Variants in SNTG2 observed in about 807,000 individuals in gnomAD.
The protein encoded by SNTG2 is syntrophin gamma 2, also known as gamma-2-syntrophin.
Under a neutral mutation model 70.9 loss-of-function variants are expected in SNTG2, and 74 were observed. That is an observed-to-expected ratio of 1.04 (90% CI 0.86 to 1.27). SNTG2 has a LOEUF of 1.27. Among genes scored for constraint, SNTG2 ranks in the 50% most tolerant of loss-of-function variants. The probability of loss-of-function intolerance (pLI) is 0.00; values close to 1 mark genes in which losing one functional copy is unlikely to be tolerated. For synonymous variants in SNTG2, 278 were observed against 273.8 expected (o/e 1.02, Z -0.15); for missense variants, 717 against 690.7 (o/e 1.04, Z -0.43).
intron 1 of SNTG2, among the ~76,000 whole-genome samples, chr2:956,034 C>T (rs1482447181): frequency 3.3e-5 from 3 of 91,758 alleles, no homozygotes. Context: ...TGTGCTGGCC[C>T]CTGCCCCTGC....
At chr2:997,944 T>C (rs1661744270) in intron 1 of SNTG2, among the ~76,000 whole-genome samples, 1 of 152,210 alleles carries the variant, frequency 6.6e-6, no homozygotes, top group Admixed American at 6.5e-5. Flanking sequence ...ATGAGATTCT[T>C]GAGACCTCCG....
chr2:1,160,748 C>T (rs1438602384), intron 6 of SNTG2: 1 of 152,390 alleles, frequency 6.6e-6, no homozygotes, highest in Non-Finnish European at 1.5e-5. Flanking sequence ...AAGAAGCCCT[C>T]TGGAGCGCAC....
At chr2:1,194,125 T>C (rs1672762062) in intron 8 of SNTG2, among the ~76,000 whole-genome samples, 1 of 152,224 alleles carries the variant, frequency 6.6e-6, no homozygotes, top group Admixed American at 6.5e-5. Flanking sequence ...AGAGTGTTGT[T>C]TCCACTTTTC....
chr2:1,297,763 T>A (rs1680284480), intron 14 of SNTG2, among the ~76,000 whole-genome samples: 1 of 152,174 alleles, frequency 6.6e-6, no homozygotes, highest in Non-Finnish European at 1.5e-5. Flanking sequence ...GAAAAGAAGG[T>A]CCAGAAGGCA....
At chr2:1,044,689 T>G (rs1244574271) in intron 1 of SNTG2, among the ~76,000 whole-genome samples, 1 of 152,152 alleles carries the variant, frequency 6.6e-6, no homozygotes, top group Non-Finnish European at 1.5e-5. Context: ...TGATGAAGTA[T>G]ATCGATTTAT....
At chr2:1,335,871 G>A (rs1308555837) in intron 16 of SNTG2, among the ~76,000 whole-genome samples, 1 of 152,066 alleles carries the variant, frequency 6.6e-6, no homozygotes, top group Non-Finnish European at 1.5e-5. Context: ...CCGTCTTCTG[G>A]GTGTCCTTAG....
chr2:1,269,685 T>A (rs1678919315), intron 14 of SNTG2, among the ~76,000 whole-genome samples: 1 of 152,048 alleles, frequency 6.6e-6, no homozygotes, highest in African/African-American at 2.4e-5. Context: ...CATTGAAAAA[T>A]TAGGCTAATG....
At chr2:1,321,490 C>A (rs1681519618) in intron 16 of SNTG2, among the ~76,000 whole-genome samples, 1 of 152,110 alleles carries the variant, frequency 6.6e-6, no homozygotes, top group African/African-American at 2.4e-5. Flanking sequence ...GGTGGCAGAC[C>A]AGAAGGAAAT....
intron 8 of SNTG2, among the ~76,000 whole-genome samples, chr2:1,185,237 C>A (rs1484166968): frequency 6.6e-6 from 1 of 152,200 alleles, no homozygotes; most frequent in Non-Finnish European, 1.5e-5. Flanking sequence ...CTGTGGCTCT[C>A]AAAGGCTCAG....
chr2:1,255,974 G>T (rs1307722828), intron 12 of SNTG2, among the ~76,000 whole-genome samples: 2 of 142,534 alleles, frequency 1.4e-5, no homozygotes, highest in Non-Finnish European at 3.0e-5. Context: ...ATACACATAC[G>T]TATGTATAGC....
intron 8 of SNTG2, among the ~76,000 whole-genome samples, chr2:1,192,151 G>C (rs1310725586): frequency 2.0e-5 from 3 of 152,206 alleles, no homozygotes; most frequent in African/African-American, 7.2e-5. Context: ...GGCCCAGAAG[G>C]CATTGCAATC....
chr2:1,334,241 T>C (rs1659682223), intron 16 of SNTG2, among the ~76,000 whole-genome samples: 2 of 151,928 alleles, frequency 1.3e-5, no homozygotes, highest in Admixed American at 1.3e-4. Context: ...AACCACAACA[T>C]ATAAGCTACC....
At chr2:1,293,791 A>T (rs1222096858) in intron 14 of SNTG2, among the ~76,000 whole-genome samples, 1 of 152,150 alleles carries the variant, frequency 6.6e-6, no homozygotes, top group East Asian at 1.9e-4. Flanking sequence ...CTTGTAAAGT[A>T]TGATATCTAC....
intron 6 of SNTG2, among the ~76,000 whole-genome samples, chr2:1,142,634 A>T (rs947327394): frequency 6.6e-6 from 1 of 152,202 alleles, no homozygotes; most frequent in South Asian, 2.1e-4. Context: ...AACCACACTT[A>T]GTGTGGCCAC....
At chr2:1,228,257 G>A (rs1675932075) in intron 9 of SNTG2, among the ~76,000 whole-genome samples, 1 of 152,236 alleles carries the variant, frequency 6.6e-6, no homozygotes. Context: ...TGCTTAAAAT[G>A]TGGCTTTGAC....
intron 8 of SNTG2, among the ~76,000 whole-genome samples, chr2:1,180,979 A>C (rs1356931400): frequency 6.6e-6 from 1 of 152,166 alleles, no homozygotes; most frequent in Non-Finnish European, 1.5e-5. Flanking sequence ...CAAAAAGCAA[A>C]CACCACATAT....
At chr2:981,949 T>C (rs1021865797) in intron 1 of SNTG2, among the ~76,000 whole-genome samples, 1 of 152,140 alleles carries the variant, frequency 6.6e-6, no homozygotes, top group Admixed American at 6.5e-5. Flanking sequence ...TGAACACACA[T>C]GTCCACACAG....
At chr2:1,091,868 T>C (rs1665051958) in intron 2 of SNTG2, among the ~76,000 whole-genome samples, 1 of 152,232 alleles carries the variant, frequency 6.6e-6, no homozygotes. Flanking sequence ...TTTGAAATCA[T>C]TGCATCCAGA....
chr2:1,273,634 A>ATT (rs1679148501), intron 14 of SNTG2, among the ~76,000 whole-genome samples: 1 of 141,376 alleles, frequency 7.1e-6, no homozygotes, highest in Non-Finnish European at 1.5e-5. Flanking sequence ...ATACATAAAT[A>ATT]TTATATATAT....
Sources: gnomAD v4.1 joint callset for allele counts (sites outside exome capture counted in the v4.1 genomes callset) on GRCh38, gnomAD v4.1.1 for gene constraint, MANE v1.5 for transcripts, NCBI Gene and HGNC (gene_info 2026-07-23, HGNC 2026-07-21) for gene names.